The following NTN1 variants were observed in gnomAD, a reference collection of about 807,000 sequenced individuals.
NTN1 encodes netrin 1, also known as netrin-1.
Under a neutral mutation model 54.2 loss-of-function variants are expected in NTN1, and 11 were observed. The observed-to-expected ratio is 0.20, with a 90% CI of 0.13 to 0.34. NTN1 has a LOEUF of 0.34. NTN1 is among the 10% of genes least tolerant of loss of function. The probability of loss-of-function intolerance (pLI) is 1.00; values close to 1 mark genes in which losing one functional copy is unlikely to be tolerated. For synonymous variants in NTN1, 371 were observed against 382.0 expected, an observed-to-expected ratio of 0.97 and a Z score of 0.33; for missense variants, 740 against 893.1, an observed-to-expected ratio of 0.83 and a Z score of 2.18.
chr17:9,059,732 A>C (rs2091990093), intron 2 of NTN1, among the ~76,000 whole-genome samples: 1 of 151,914 alleles, frequency 6.6e-6, no homozygotes, highest in Non-Finnish European at 1.5e-5. Context: ...AACTAGACAG[A>C]GGTGATGGTT....
At chr17:9,226,786 G>A (rs1032071142) in intron 6 of NTN1, among the ~76,000 whole-genome samples, 11 of 152,240 alleles carry the variant, frequency 7.2e-5, no homozygotes, top group South Asian at 2.1e-4. Flanking sequence ...GCGAGTGAGC[G>A]TGGGTGTGTG....
At chr17:9,035,136 CG>C (rs1316649964) in intron 2 of NTN1, among the ~76,000 whole-genome samples, 3 of 152,054 alleles carry the variant, frequency 2.0e-5, no homozygotes, top group East Asian at 3.9e-4. Flanking sequence ...TTAGTAGAGA[CG>C]GGGTTTCACT....
chr17:9,224,018 C>T (rs1905453261), intron 6 of NTN1, among the ~76,000 whole-genome samples: 1 of 152,150 alleles, frequency 6.6e-6, no homozygotes. Flanking sequence ...CAGCTGGGAG[C>T]AAGGAGGAAG....
intron 2 of NTN1, among the ~76,000 whole-genome samples, chr17:9,162,013 G>C (rs2092358370): frequency 6.7e-6 from 1 of 150,352 alleles, no homozygotes; most frequent in Admixed American, 6.6e-5. Flanking sequence ...GGGAGGGTGT[G>C]GAGGTGGGCA....
intron 2 of NTN1, among the ~76,000 whole-genome samples, chr17:9,067,808 T>G (rs2092019987): frequency 6.6e-6 from 1 of 152,192 alleles, no homozygotes. Context: ...GGCTCTGGGC[T>G]TGGGGGATGG....
chr17:9,230,609 G>C (rs1360459049), intron 6 of NTN1, among the ~76,000 whole-genome samples: 1 of 152,206 alleles, frequency 6.6e-6, no homozygotes, highest in Non-Finnish European at 1.5e-5. Context: ...CCCACAGGAA[G>C]CTTGCTCTGG....
Position 9,221,020 on chromosome 17 carries a change from C to T in NTN1, c.1412-148C>T, listed in dbSNP as rs933968394. The T allele has an allele frequency of 1.3e-5, 9 of 715,986 alleles. No homozygotes were observed. In the Admixed American group the frequency reaches 1.4e-4, roughly 11 times the overall value. The allele number at this position is 715,986 out of a possible 1,614,324, so 44.4% of individuals were successfully genotyped here. ...GGCCTCTTTAGAAGCGCAGGCCTTTCCTGAATGGCCGCCTGCCCGCCCGGC... is the reference window on the plus strand; with the variant it reads ...GGCCTCTTTAGAAGCGCAGGCCTTTTCTGAATGGCCGCCTGCCCGCCCGGC... On this transcript the variant is annotated intron_variant, in intron 5 of 6. Coordinates refer to ENST00000173229, the MANE Select transcript of NTN1 (RefSeq NM_004822.3). This position sits in a 1 kb window ranked among gnomAD's most constrained non-coding sequence, Gnocchi z 4.5.
rs1906091593 is a variant in NTN1, at chr17:9,239,006, T to C, written c.1487-634T>C. Reference sequence around the variant, plus strand: ...AGAATTTGGAGTAAGAGGAATGGTCTGGGGACCTTGGGCGGCATGGAGGAA... The same window carrying C: ...AGAATTTGGAGTAAGAGGAATGGTCCGGGGACCTTGGGCGGCATGGAGGAA... On this transcript the variant is annotated intron_variant, in intron 6 of 6. Transcript: ENST00000173229. This position sits in a 1 kb window ranked among gnomAD's most constrained non-coding sequence, Gnocchi z 5.2. 6.6e-6 allele frequency among the ~76,000 whole-genome samples: 1 copy of C among 152,152 alleles called. No homozygotes were observed. The highest frequency in any genetic ancestry group is 6.5e-5 in the Admixed American group (1 of 15,284).
Position 9,098,272 on chromosome 17 carries a change from G to A in NTN1, c.1019-64541G>A, listed in dbSNP as rs546956643. On this transcript the variant is annotated intron_variant, in intron 2 of 6. Coordinates refer to ENST00000173229, the MANE Select transcript of NTN1 (RefSeq NM_004822.3). ...CTATTTATTCTCAGTTTCCTTATCA[G>A]CATCCCATACAGGCTTATTGGCCTC... Among the ~76,000 whole-genome samples, 15 of 152,316 alleles carry A rather than the reference G, an allele frequency of 9.8e-5. No individual in the cohort carries two copies. The South Asian group carries it at 3.1e-3, about 32-fold the overall frequency.
chr17:9,229,741 G>A (rs1421084424), intron 6 of NTN1, among the ~76,000 whole-genome samples: 1 of 152,160 alleles, frequency 6.6e-6, no homozygotes, highest in African/African-American at 2.4e-5. Context: ...GCGGGTGGTG[G>A]TCCAGAGGTG....
chr17:9,155,229 C>A (rs1248929141), intron 2 of NTN1, among the ~76,000 whole-genome samples: 1 of 152,230 alleles, frequency 6.6e-6, no homozygotes, highest in African/African-American at 2.4e-5. Context: ...TGGGACAGGA[C>A]TCCATCTTGC....
chr17:9,224,453 G>A (rs1006780750), intron 6 of NTN1, among the ~76,000 whole-genome samples: 3 of 152,182 alleles, frequency 2.0e-5, no homozygotes, highest in African/African-American at 4.8e-5. Context: ...CCCTTTGCCC[G>A]ACACCCGACT....
At chr17:9,184,034 C>T (rs1379157121) in intron 5 of NTN1, among the ~76,000 whole-genome samples, 1 of 152,150 alleles carries the variant, frequency 6.6e-6, no homozygotes, top group Non-Finnish European at 1.5e-5. Flanking sequence ...TTTGCCTCCC[C>T]CAGAAAGGAC....
chr17:9,052,345 G>C (rs2091963614), intron 2 of NTN1, among the ~76,000 whole-genome samples: 2 of 152,204 alleles, frequency 1.3e-5, no homozygotes, highest in Admixed American at 1.3e-4. Context: ...TTGAGGGCAT[G>C]TTATATGTGC....
intron 6 of NTN1, among the ~76,000 whole-genome samples, chr17:9,224,153 C>T (rs1054215651): frequency 6.6e-6 from 1 of 152,178 alleles, no homozygotes; most frequent in Admixed American, 6.5e-5. Flanking sequence ...GTTTTCTTGT[C>T]CTCTGACTTT....
chr17:9,202,626 C>T (rs1485437587), intron 5 of NTN1, among the ~76,000 whole-genome samples: 2 of 151,886 alleles, frequency 1.3e-5, no homozygotes, highest in African/African-American at 4.9e-5. Context: ...AAATAGGGTT[C>T]CCAGAAACCT....
At chr17:9,196,419 G>A (rs939628212) in intron 5 of NTN1, among the ~76,000 whole-genome samples, 5 of 152,212 alleles carry the variant, frequency 3.3e-5, no homozygotes, top group East Asian at 3.9e-4. Context: ...ACCAGCTGCC[G>A]CCTCCTGTGG....
At chr17:9,115,676 C>T (rs116249444) in intron 2 of NTN1, among the ~76,000 whole-genome samples, 1,877 of 152,368 alleles carry the variant, frequency 0.012, 46 homozygotes, top group African/African-American at 0.041. Flanking sequence ...TCATCCTTCC[C>T]CCCCGGGGCG....
In NTN1 at chr17:9,081,270, T is replaced by C. The variant is rs191144003; in HGVS notation, c.1018+57879T>C. Among the ~76,000 whole-genome samples the C allele has an allele frequency of 7.6e-4, 116 of 152,288 alleles. 1 individual carries two copies. The highest frequency in any genetic ancestry group is 6.8e-3 in the Middle Eastern group (2 of 294). On this transcript the variant is annotated intron_variant, in intron 2 of 6. Transcript: ENST00000173229. ...CTTCTTGGTGACCAGAGGTATTGATTGTTGTGGGGTGAGTGTGAGGAGAAG... is the reference window on the plus strand; with the variant it reads ...CTTCTTGGTGACCAGAGGTATTGATCGTTGTGGGGTGAGTGTGAGGAGAAG...
Sources: gnomAD v4.1 joint callset for allele counts (sites outside exome capture counted in the v4.1 genomes callset) on GRCh38, gnomAD v4.1.1 for gene constraint, Gnocchi (gnomAD v3.1) non-coding constraint, MANE v1.5 for transcripts, NCBI Gene and HGNC (gene_info 2026-07-23, HGNC 2026-07-21) for gene names.